Variants in QKI observed in about 807,000 individuals in gnomAD.
The protein encoded by QKI is KH domain-containing RNA-binding protein QKI.
QKI carries 10 observed loss-of-function variants against 39.0 expected under a neutral mutation model. The ratio of observed to expected loss-of-function variants is 0.26; its 90% CI spans 0.16 to 0.43. The LOEUF is 0.43. Among genes scored for constraint, QKI ranks in the 20% least tolerant of loss-of-function variants. The pLI is 1.00. For missense variants in QKI, 218 were observed against 428.0 expected (o/e 0.51, Z 4.33); for synonymous variants, 204 against 155.4 (o/e 1.31, Z -2.33).
chr6:163,505,163 TG>T (rs1179811369), intron 3 of QKI, among the ~76,000 whole-genome samples: 1 of 152,164 alleles, frequency 6.6e-6, no homozygotes, highest in Admixed American at 6.5e-5. Context: ...TGAGAATCTT[TG>T]CCTAGATTTC....
chr6:163,478,179 T>C (rs1792776236), intron 2 of QKI, among the ~76,000 whole-genome samples: 2 of 152,242 alleles, frequency 1.3e-5, no homozygotes, highest in Admixed American at 6.5e-5. Context: ...ATTATTGATA[T>C]CACTGGCCTA....
At chr6:163,561,301 A>T (rs769682547) in intron 4 of QKI, among the ~76,000 whole-genome samples, 4 of 152,100 alleles carry the variant, frequency 2.6e-5, no homozygotes, top group Non-Finnish European at 5.9e-5. Context: ...GAGTTTTGGA[A>T]TATTCAGCAA....
chr6:163,455,446 C>T (rs1288944267), intron 2 of QKI, 25 bp downstream of exon 2: 3 of 1,591,182 alleles, frequency 1.9e-6, no homozygotes, highest in Non-Finnish European at 8.6e-7. Flanking sequence ...TTGTTTTATT[C>T]AATTTTGTTC....
At chr6:163,496,543 T>C (rs1158640090) in intron 3 of QKI, among the ~76,000 whole-genome samples, 1 of 152,172 alleles carries the variant, frequency 6.6e-6, no homozygotes, top group African/African-American at 2.4e-5. Context: ...CCTTTTCTCT[T>C]TTCAGCAACC....
intron 1 of QKI, among the ~76,000 whole-genome samples, chr6:163,445,692 C>T (rs1055626198): frequency 6.6e-6 from 1 of 151,268 alleles, no homozygotes; most frequent in Non-Finnish European, 1.5e-5. Context: ...TCGGCTCACT[C>T]CAGGCTCCGC....
rs143880973 is a variant in QKI at position 163,529,395 on chromosome 6, A to G, written c.403-5587A>G. On this transcript the variant is annotated intron_variant, in intron 3 of 7. Coordinates refer to ENST00000361752, the MANE Select transcript of QKI (RefSeq NM_006775.3). ...AGTAAATACTTGTTTAGAGCCAGAT[A>G]TGTGTAAAATCAATGTGTACATACT... Among the ~76,000 whole-genome samples the G allele has an allele frequency of 2.9e-3, 436 of 152,318 alleles. 2 individuals carry two copies. The highest frequency in any genetic ancestry group is 9.7e-3 in the African/African-American group (404 of 41,570).
chr6:163,422,765 G>A (rs1788088087), intron 1 of QKI, among the ~76,000 whole-genome samples: 2 of 152,172 alleles, frequency 1.3e-5, no homozygotes, highest in South Asian at 4.1e-4. Flanking sequence ...AGAAAGGTTG[G>A]CCCCGGGATT....
intron 1 of QKI, among the ~76,000 whole-genome samples, chr6:163,426,710 C>G (rs1435388931): frequency 6.6e-6 from 1 of 152,058 alleles, no homozygotes; most frequent in Non-Finnish European, 1.5e-5. Flanking sequence ...CTTTCTGACC[C>G]CAACACGGAA....
At chr6:163,566,567 G>A in intron 6 of QKI, 154 bp from the exon 7 acceptor site, 5 of 1,503,876 alleles carry the variant, frequency 3.3e-6, no homozygotes, top group Non-Finnish European at 4.4e-6. Context: ...ATGACATATT[G>A]TGGTTAATTT....
chr6:163,532,737 T>G (rs1314807525), intron 3 of QKI, among the ~76,000 whole-genome samples: 1 of 152,182 alleles, frequency 6.6e-6, no homozygotes, highest in East Asian at 1.9e-4. Context: ...TGGAATTTTC[T>G]CTCAAGTATG....
chr6:163,417,346 A>C (rs1787605912), intron 1 of QKI, among the ~76,000 whole-genome samples: 1 of 152,202 alleles, frequency 6.6e-6, no homozygotes, highest in Admixed American at 6.5e-5. Flanking sequence ...AATTAAAATT[A>C]AATTGCATTC....
chr6:163,570,322 A>G (rs1783625992), intron 7 of QKI: 1 of 982,520 alleles, frequency 1.0e-6, no homozygotes, highest in Non-Finnish European at 1.2e-6. Context: ...TGATAACTGC[A>G]CTGACTGTTT....
At chr6:163,445,535 A>T (rs1036329281) in intron 1 of QKI, among the ~76,000 whole-genome samples, 1 of 151,728 alleles carries the variant, frequency 6.6e-6, no homozygotes, top group Admixed American at 6.6e-5. Flanking sequence ...CATGATTATA[A>T]TGAGGACCAT....
intron 6 of QKI, chr6:163,564,291 AT>A (rs1783215823): frequency 4.0e-6 from 4 of 1,010,160 alleles, no homozygotes; most frequent in East Asian, 1.4e-4. Context: ...TTTGGTGTAC[AT>A]CATAGAGTGT....
chr6:163,469,676 G>C (rs1190209609), intron 2 of QKI, among the ~76,000 whole-genome samples: 1 of 152,192 alleles, frequency 6.6e-6, no homozygotes, highest in Non-Finnish European at 1.5e-5. Context: ...AACAGTGGGT[G>C]AGTGATAGCA....
At chr6:163,526,884 A>G (rs1005150329) in intron 3 of QKI, among the ~76,000 whole-genome samples, 20 of 152,224 alleles carry the variant, frequency 1.3e-4, no homozygotes, top group Admixed American at 1.3e-3. Context: ...GTAATTAACA[A>G]TTAAATTAGT....
At chr6:163,561,212 CA>C (rs1342371424) in intron 4 of QKI, among the ~76,000 whole-genome samples, 1 of 152,136 alleles carries the variant, frequency 6.6e-6, no homozygotes. Context: ...ATTCTGTAAT[CA>C]AATCTTGTAT....
At chr6:163,533,382 T>C (rs762698723) in intron 3 of QKI, among the ~76,000 whole-genome samples, 1 of 152,174 alleles carries the variant, frequency 6.6e-6, no homozygotes, top group African/African-American at 2.4e-5. Context: ...TATTTCAGAG[T>C]TCTGTTTATT....
chr6:163,506,566 T>C (rs1410809055), intron 3 of QKI, among the ~76,000 whole-genome samples: 7 of 152,172 alleles, frequency 4.6e-5, no homozygotes, highest in Admixed American at 2.0e-4. Flanking sequence ...TTCTAAGTCT[T>C]AGGCAATATT....
Sources: gnomAD v4.1 joint callset for allele counts (sites outside exome capture counted in the v4.1 genomes callset) on GRCh38, gnomAD v4.1.1 for gene constraint, MANE v1.5 for transcripts, NCBI Gene and HGNC (gene_info 2026-07-23, HGNC 2026-07-21) for gene names.